Variants in MEIS2 observed in about 807,000 individuals in gnomAD.
MEIS2 encodes Meis homeobox 2.
MEIS2 carries 9 observed loss-of-function variants against 58.6 expected under a neutral mutation model. That is an observed-to-expected ratio of 0.15 (90% CI 0.09 to 0.27). The LOEUF is 0.27. Ranked by LOEUF, MEIS2 falls within the 10% of genes least tolerant of loss-of-function variation. MEIS2 has a pLI of 1.00. For synonymous variants in MEIS2, 221 were observed against 228.4 expected (o/e 0.97, Z 0.29); for missense variants, 427 against 635.0 (o/e 0.67, Z 3.52).
At chr15:36,937,723 T>C (rs558938922) in intron 9 of MEIS2, among the ~76,000 whole-genome samples, 1 of 152,224 alleles carries the variant, frequency 6.6e-6, no homozygotes, top group East Asian at 1.9e-4. Context: ...GTTGTTGTTG[T>C]TTTGCTGTGG....
At chr15:37,030,173 C>G (rs2061856580) in intron 8 of MEIS2, among the ~76,000 whole-genome samples, 1 of 152,156 alleles carries the variant, frequency 6.6e-6, no homozygotes. Flanking sequence ...ACATTCTGAA[C>G]TACTCCATAG....
intron 7 of MEIS2, among the ~76,000 whole-genome samples, chr15:37,043,088 T>C (rs1045906715): frequency 2.0e-5 from 3 of 152,256 alleles, no homozygotes; most frequent in African/African-American, 7.2e-5. Flanking sequence ...CTCTCAGCCA[T>C]GTCTCTTCAG....
At chr15:36,906,766 G>A (rs1252949195) in intron 9 of MEIS2, among the ~76,000 whole-genome samples, 2 of 152,052 alleles carry the variant, frequency 1.3e-5, no homozygotes, top group South Asian at 4.2e-4. Flanking sequence ...AGAGCTGCAG[G>A]AGTAGGTAAC....
At chr15:36,961,730 A>G (rs2141431192) in intron 8 of MEIS2, among the ~76,000 whole-genome samples, 1 of 152,242 alleles carries the variant, frequency 6.6e-6, no homozygotes, top group Admixed American at 6.5e-5. Context: ...TCTCTCTACT[A>G]TATTTGCTTC....
rs74958344 is a variant in MEIS2, at chr15:36,912,433, C to T, written c.978-15747G>A. On this transcript the variant is annotated intron_variant, in intron 9 of 11. Coordinates refer to ENST00000561208, the MANE Select transcript of MEIS2 (RefSeq NM_170675.5). Reference sequence around the variant, plus strand: ...GCACAAAGGCAGCAAAAGTGGTTTCCCTACAGAGTTATCTTCTCAATTATT... The same window carrying T: ...GCACAAAGGCAGCAAAAGTGGTTTCTCTACAGAGTTATCTTCTCAATTATT... Among the ~76,000 whole-genome samples, 1,306 of 152,290 alleles carry T rather than the reference C, an allele frequency of 8.6e-3. 14 individuals are homozygous for T. The highest frequency in any genetic ancestry group is 0.011 in the Non-Finnish European group (771 of 68,032).
chr15:36,903,979 A>G (rs1030518299), intron 9 of MEIS2: 2 of 152,200 alleles, frequency 1.3e-5, no homozygotes, highest in East Asian at 1.9e-4. Flanking sequence ...TTAGCTTGTC[A>G]TCTGCTCAGA....
intron 8 of MEIS2, among the ~76,000 whole-genome samples, chr15:37,026,443 T>A (rs556268579): frequency 6.6e-6 from 1 of 152,306 alleles, no homozygotes; most frequent in Non-Finnish European, 1.5e-5. Context: ...ACAAAATTAA[T>A]TCTGGAATAT....
intron 9 of MEIS2, among the ~76,000 whole-genome samples, chr15:36,910,230 A>T (rs549994848): frequency 6.6e-6 from 1 of 152,288 alleles, no homozygotes; most frequent in Admixed American, 6.5e-5. Flanking sequence ...AAAGCTTTTT[A>T]AAAATATTTT....
Position 36,911,332 on chromosome 15 carries a change from A to G in MEIS2, c.978-14646T>C, listed in dbSNP as rs1257452383. Among the ~76,000 whole-genome samples the G allele has an allele frequency of 2.0e-5, 3 of 152,016 alleles. No individual in the cohort carries two copies. In the East Asian group the frequency reaches 5.8e-4, roughly 29 times the overall value. ...ATATGCATACATATCACATATATAC[A>G]TATATATTTTCAATACCTTCTGGAT... On this transcript the variant is annotated intron_variant, in intron 9 of 11. Coordinates refer to ENST00000561208, the MANE Select transcript of MEIS2 (RefSeq NM_170675.5).
Position 36,892,421 on chromosome 15 carries a change from C to T in MEIS2, c.1186G>A (p.Gly396Ser). 6.2e-7 allele frequency: 1 copy of T among 1,613,314 alleles called. No homozygotes were observed. Among genetic ancestry groups the T allele is most frequent in the Non-Finnish European group, 8.5e-7 (1 of 1,179,888 alleles). Residue 396 changes from glycine to serine, a missense_variant, in exon 12 of 12, where the codon GGT becomes AGT. This residue lies in a region of MEIS2 where 154 missense variants were observed against 148.1 expected (regional missense o/e 1.04). Coordinates refer to ENST00000561208, the MANE Select transcript of MEIS2 (RefSeq NM_170675.5). ...SMPGDYVSQG[G>S]PMGMSMAQPS... is the part of the protein sequence containing the mutation. ...TGTGCCATACTCATTCCCATAGGAC[C>T]ACCCTGAGAAACGTAGTCCCCTGGC...
chr15:37,078,005 T>C (rs144186819), intron 7 of MEIS2, among the ~76,000 whole-genome samples: 2 of 152,252 alleles, frequency 1.3e-5, no homozygotes, highest in East Asian at 3.9e-4. Flanking sequence ...GCATTAACTA[T>C]ACTTTTCCCC....
At chr15:37,059,505 A>T (rs1400751415) in intron 7 of MEIS2, among the ~76,000 whole-genome samples, 2 of 152,214 alleles carry the variant, frequency 1.3e-5, no homozygotes, top group East Asian at 1.9e-4. Flanking sequence ...CATTACGTGC[A>T]CTTGTTTATT....
chr15:36,958,068 T>C (rs971968440), intron 8 of MEIS2, among the ~76,000 whole-genome samples: 1 of 152,144 alleles, frequency 6.6e-6, no homozygotes, highest in African/African-American at 2.4e-5. Context: ...AAGATTCACT[T>C]CCATTTGAGT....
chr15:37,084,959 G>C (rs182644531), intron 6 of MEIS2, among the ~76,000 whole-genome samples: 2 of 152,164 alleles, frequency 1.3e-5, no homozygotes, highest in African/African-American at 4.8e-5. Flanking sequence ...AGACCTACTG[G>C]CAAGTGAATG....
intron 7 of MEIS2, among the ~76,000 whole-genome samples, chr15:37,051,367 C>T (rs977651067): frequency 2.0e-5 from 3 of 152,098 alleles, no homozygotes; most frequent in Non-Finnish European, 4.4e-5. Context: ...CGCAAAAGGC[C>T]ACATACTGTA....
chr15:37,099,760 T>G lies in MEIS2; in HGVS notation c.-294A>C. 3.0e-6 allele frequency: 1 copy of G among 337,288 alleles called. No individual in the cohort carries two copies. The highest frequency in any genetic ancestry group is 5.3e-6 in the Non-Finnish European group (1 of 190,330). 20.9% of individuals were successfully genotyped at this position (337,288 alleles called of 1,614,324 possible). On this transcript the variant is annotated 5_prime_UTR_variant, in exon 1 of 12. Coordinates refer to ENST00000561208, the MANE Select transcript of MEIS2 (RefSeq NM_170675.5). ...CTCCCCCCTCCCCTCCTCCTCCTCT[T>G]CGGTCCTCCTTTCCCCCTCTTTCTC...
chr15:37,059,876 G>C (rs1888961472), intron 7 of MEIS2, among the ~76,000 whole-genome samples: 1 of 152,068 alleles, frequency 6.6e-6, no homozygotes, highest in Admixed American at 6.6e-5. Context: ...GGGAGGTGGA[G>C]GTTGCAGTTT....
chr15:37,070,465 T>C (rs949999525), intron 7 of MEIS2, among the ~76,000 whole-genome samples: 9 of 152,156 alleles, frequency 5.9e-5, no homozygotes, highest in African/African-American at 2.2e-4. Flanking sequence ...AATGGTTAAA[T>C]GAGTCTGGAA....
At chr15:37,052,666 G>A (rs1227455394) in intron 7 of MEIS2, among the ~76,000 whole-genome samples, 1 of 152,162 alleles carries the variant, frequency 6.6e-6, no homozygotes, top group Non-Finnish European at 1.5e-5. Context: ...TTAGATAATC[G>A]ATAAAGGTTA....
Sources: gnomAD v4.1 joint callset for allele counts (sites outside exome capture counted in the v4.1 genomes callset) on GRCh38, gnomAD v4.1.1 for gene constraint, gnomAD v4.1.1 regional missense constraint, MANE v1.5 for transcripts, NCBI Gene and HGNC (gene_info 2026-07-23, HGNC 2026-07-21) for gene names.